Variants in RBM6 observed in about 807,000 individuals in gnomAD.
The protein encoded by RBM6 is RNA-binding protein 6.
In RBM6, 23 loss-of-function variants were observed where a neutral mutation model predicts 140.4. That is an observed-to-expected ratio of 0.16 (90% CI 0.12 to 0.23). The LOEUF (loss-of-function observed/expected upper bound fraction) is 0.23, where lower values mean the gene tolerates loss of function less well. Among genes scored for constraint, RBM6 ranks in the 10% least tolerant of loss-of-function variants. The probability of loss-of-function intolerance (pLI) is 1.00; values close to 1 mark genes in which losing one functional copy is unlikely to be tolerated. For missense variants in RBM6, 1,139 were observed against 1,386.7 expected (o/e 0.82, Z 2.84); for synonymous variants, 439 against 475.6 (o/e 0.92, Z 1.00).
intron 7 of RBM6, among the ~76,000 whole-genome samples, chr3:50,050,196 A>T (rs116691596): frequency 1.2e-3 from 185 of 151,906 alleles, no homozygotes; most frequent in African/African-American, 4.3e-3. Context: ...TCAAAAGGAA[A>T]CCTCTTATCA....
intron 6 of RBM6, among the ~76,000 whole-genome samples, chr3:50,023,546 A>G (rs12629129): frequency 0.079 from 12,008 of 151,758 alleles, 530 homozygotes; most frequent in African/African-American, 0.11. Flanking sequence ...CCGTGCTAGT[A>G]TTGGGTGCTT....
intron 6 of RBM6, among the ~76,000 whole-genome samples, chr3:50,044,985 C>T (rs2089147767): frequency 6.6e-6 from 1 of 152,166 alleles, no homozygotes; most frequent in South Asian, 2.1e-4. Context: ...TAGCAGTGGT[C>T]ACTGTCCTAT....
At position 50,048,331 on chromosome 3, in the gene RBM6, G is replaced by T; in HGVS notation, c.1632+12G>T. 6.2e-7 allele frequency: 1 copy of T among 1,609,772 alleles called. No individual in the cohort carries two copies. Among genetic ancestry groups the T allele is most frequent in the South Asian group, 1.1e-5 (1 of 90,310 alleles). On this transcript the variant is annotated intron_variant, in intron 7 of 20. Transcript: ENST00000266022. ...GGTACTGCAAACGAGTAAGTACCAA[G>T]AATCCCTTTCTTTAGAAGTAAGTAT...
chr3:49,996,766 A>G (rs538526987), intron 5 of RBM6, among the ~76,000 whole-genome samples: 93 of 152,308 alleles, frequency 6.1e-4, no homozygotes, highest in Non-Finnish European at 1.1e-3. Context: ...TTTCAGGCAT[A>G]TGGGACCCTT....
chr3:49,982,495 G>T (rs1451819826), intron 5 of RBM6, among the ~76,000 whole-genome samples: 1 of 151,766 alleles, frequency 6.6e-6, no homozygotes, highest in Non-Finnish European at 1.5e-5. Context: ...GCTCACTACA[G>T]TCTCTGCCTC....
At chr3:49,949,406 T>G (rs947097890) in intron 1 of RBM6, among the ~76,000 whole-genome samples, 1 of 152,056 alleles carries the variant, frequency 6.6e-6, no homozygotes, top group Non-Finnish European at 1.5e-5. Context: ...TTGCTTGTTT[T>G]TTTTGAGACG....
At chr3:49,984,284 CAG>C (rs1420959226) in intron 5 of RBM6, among the ~76,000 whole-genome samples, 18 of 152,046 alleles carry the variant, frequency 1.2e-4, no homozygotes, top group African/African-American at 2.9e-4. Context: ...GCATGGGCAA[CAG>C]AGAGAGACCT....
intron 5 of RBM6, among the ~76,000 whole-genome samples, chr3:49,981,093 C>T (rs1055263227): frequency 2.6e-5 from 4 of 151,810 alleles, no homozygotes; most frequent in African/African-American, 7.3e-5. Context: ...TTAGTAGAGA[C>T]GGGGTTTCAC....
intron 5 of RBM6, among the ~76,000 whole-genome samples, chr3:49,978,140 A>G (rs1319898929): frequency 6.6e-6 from 1 of 152,076 alleles, no homozygotes; most frequent in African/African-American, 2.4e-5. Flanking sequence ...ATTTGGGACT[A>G]CAGGTGCGTA....
intron 5 of RBM6, among the ~76,000 whole-genome samples, chr3:49,986,616 A>C (rs1326772511): frequency 6.7e-6 from 1 of 149,984 alleles, no homozygotes; most frequent in East Asian, 2.0e-4. Context: ...AAAACAAAAC[A>C]AAAAAAAACC....
At chr3:50,054,507 CCTT>C in intron 8 of RBM6, 112 bp downstream of exon 8, 1 of 964,864 alleles carries the variant, frequency 1.0e-6, no homozygotes, top group Non-Finnish European at 1.6e-6. Context: ...GATCTACAAA[CCTT>C]TTTTTTTTTT....
chr3:49,984,596 A>G (rs1489101521), intron 5 of RBM6, among the ~76,000 whole-genome samples: 7 of 86,354 alleles, frequency 8.1e-5, no homozygotes, highest in Non-Finnish European at 1.6e-4. Context: ...ACATCACATC[A>G]CATCACATCA....
intron 6 of RBM6, among the ~76,000 whole-genome samples, chr3:50,018,832 G>A (rs2624818): frequency 0.077 from 11,696 of 151,714 alleles, 593 homozygotes; most frequent in Non-Finnish European, 0.1. Context: ...CTCGTGATTC[G>A]TCCACCTCGG....
intron 6 of RBM6, among the ~76,000 whole-genome samples, chr3:50,006,289 C>T (rs1463630229): frequency 1.3e-5 from 2 of 151,880 alleles, no homozygotes; most frequent in African/African-American, 2.4e-5. Context: ...GCATGTGCCA[C>T]CACGCCTGGC....
chr3:49,982,629 G>C (rs576931683), intron 5 of RBM6, among the ~76,000 whole-genome samples: 36 of 151,882 alleles, frequency 2.4e-4, no homozygotes, highest in Non-Finnish European at 4.3e-4. Flanking sequence ...TGTTGGCCAG[G>C]CTGGTCTTGA....
At chr3:49,969,324 GTTTT>G (rs528548144) in intron 3 of RBM6, among the ~76,000 whole-genome samples, 1 of 122,226 alleles carries the variant, frequency 8.2e-6, no homozygotes, top group South Asian at 2.7e-4. Context: ...TGCCTGGCCA[GTTTT>G]TTTTTTTTTT....
At position 50,062,061 on chromosome 3, in the gene RBM6, A is replaced by T; in HGVS notation, c.2539A>T (p.Met847Leu). ...SQGKSSSKKE[M>L]SKRDGKEKKD... Reference sequence around the variant, plus strand: ...AGGAAAGTCAAGTAGCAAGAAGGAAATGTCTAAAAGAGATGGCAAGGAGAA... The same window carrying T: ...AGGAAAGTCAAGTAGCAAGAAGGAATTGTCTAAAAGAGATGGCAAGGAGAA... Residue 847 changes from methionine (M) to leucine (L), a missense_variant, in exon 15 of 21, where the codon ATG becomes TTG. Met to Leu is a conservative substitution (Grantham distance 15). This residue lies in a region of RBM6 where 163 missense variants were observed against 182.8 expected (regional missense o/e 0.89). Coordinates refer to ENST00000266022, the MANE Select transcript of RBM6 (RefSeq NM_005777.3). 8 of 1,614,136 alleles carry T rather than the reference A, an allele frequency of 5.0e-6. No individual in the cohort carries two copies. Among genetic ancestry groups the T allele is most frequent in the Non-Finnish European group, 6.8e-6 (8 of 1,179,996 alleles).
chr3:50,023,150 C>T (rs1479754731), intron 6 of RBM6, among the ~76,000 whole-genome samples: 1 of 152,046 alleles, frequency 6.6e-6, no homozygotes, highest in Admixed American at 6.6e-5. Context: ...TCGCTGAATA[C>T]GAGATGAGTT....
intron 5 of RBM6, among the ~76,000 whole-genome samples, chr3:49,996,741 G>A (rs910098867): frequency 6.6e-6 from 1 of 152,048 alleles, no homozygotes; most frequent in Non-Finnish European, 1.5e-5. Flanking sequence ...TCTTAACAGG[G>A]GCATAGATGT....
Sources: gnomAD v4.1 joint callset for allele counts (sites outside exome capture counted in the v4.1 genomes callset) on GRCh38, gnomAD v4.1.1 for gene constraint, gnomAD v4.1.1 regional missense constraint, MANE v1.5 for transcripts, NCBI Gene and HGNC (gene_info 2026-07-23, HGNC 2026-07-21) for gene names.